Variants in MECOM observed in about 807,000 individuals in gnomAD.
MECOM encodes the protein MDS1 and EVI1 complex locus.
A neutral mutation model predicts 116.3 loss-of-function variants in MECOM; 13 were observed. The ratio of observed to expected loss-of-function variants is 0.11; its 90% CI spans 0.07 to 0.18. The LOEUF is 0.18. Among genes scored for constraint, MECOM ranks in the 10% least tolerant of loss-of-function variants. The pLI, the probability that MECOM is intolerant of heterozygous loss-of-function variation, is 1.00. For synonymous variants in MECOM, 528 were observed against 535.2 expected (o/e 0.99, Z 0.19); for missense variants, 1,299 against 1,509.0 (o/e 0.86, Z 2.31).
Position 169,640,561 on chromosome 3 carries a change from G to T in MECOM, c.37+22775C>A, listed in dbSNP as rs141048246. The stretch of plus-strand genomic sequence containing the variant: ...CTACTAAGGCTTCTCTTCTGTAAGG[G>T]GTGGTGGTAACAGTAGCAGCTTTAC... On this transcript the variant is annotated intron_variant, in intron 1 of 16. Coordinates refer to ENST00000651503, the MANE Select transcript of MECOM (RefSeq NM_004991.4). Among the ~76,000 whole-genome samples the T allele has an allele frequency of 3.2e-4, 48 of 152,270 alleles. No individual in the cohort carries two copies. In the East Asian group the frequency reaches 6.4e-3, roughly 20 times the overall value.
intron 2 of MECOM, among the ~76,000 whole-genome samples, chr3:169,213,413 T>C (rs1180805352): frequency 6.6e-6 from 1 of 152,104 alleles, no homozygotes; most frequent in Non-Finnish European, 1.5e-5. Context: ...TTTGCAACTT[T>C]CTTTTCTTTT....
At chr3:169,520,024 G>A (rs566461141) in intron 1 of MECOM, among the ~76,000 whole-genome samples, 14 of 152,316 alleles carry the variant, frequency 9.2e-5, no homozygotes, top group South Asian at 4.1e-4. Context: ...GTCTACATTC[G>A]GGACTTCTGT....
chr3:169,416,071 C>T (rs551120541), intron 1 of MECOM, among the ~76,000 whole-genome samples: 1 of 152,304 alleles, frequency 6.6e-6, no homozygotes, highest in South Asian at 2.1e-4. Flanking sequence ...AAGTAATAGA[C>T]ATTCTTCTCA....
intron 2 of MECOM, among the ~76,000 whole-genome samples, chr3:169,328,639 C>T (rs947372391): frequency 6.6e-6 from 1 of 152,052 alleles, no homozygotes; most frequent in Admixed American, 6.5e-5. Context: ...TCACTGAATG[C>T]AATATGAATT....
At chr3:169,343,812 T>C (rs927422440) in intron 2 of MECOM, among the ~76,000 whole-genome samples, 7 of 152,184 alleles carry the variant, frequency 4.6e-5, no homozygotes, top group Admixed American at 1.3e-4. Flanking sequence ...GTTAAGGAGA[T>C]AAAATGCTTA....
At chr3:169,126,682 C>T (rs1459508853) in intron 5 of MECOM, among the ~76,000 whole-genome samples, 1 of 152,032 alleles carries the variant, frequency 6.6e-6, no homozygotes, top group African/African-American at 2.4e-5. Context: ...TCTATTCAGT[C>T]TTCTCAACAG....
In MECOM at chr3:169,359,003, G is replaced by A. The variant is rs115070060; in HGVS notation, c.375+22184C>T. On this transcript the variant is annotated intron_variant, in intron 2 of 16. Transcript: ENST00000651503. ...TCAACTGGAACTAACTAATCCTCGA[G>A]CCTCATACCAACTCTACTAAATCTA... is the stretch of plus-strand genomic sequence containing the variant. 6.2e-3 allele frequency among the ~76,000 whole-genome samples: 936 copies of A among 151,686 alleles called. 9 individuals carry two copies. Among genetic ancestry groups the A allele is most frequent in the African/African-American group, 0.022 (909 of 41,462 alleles).
intron 1 of MECOM, among the ~76,000 whole-genome samples, chr3:169,508,410 C>CAA (rs60226399): frequency 3.1e-4 from 44 of 141,316 alleles, no homozygotes; most frequent in South Asian, 9.0e-4. Context: ...GGTGGGAGTG[C>CAA]AAAAAAAAAA....
chr3:169,205,857 A>C (rs1299291247), intron 2 of MECOM, among the ~76,000 whole-genome samples: 1 of 152,208 alleles, frequency 6.6e-6, no homozygotes, highest in African/African-American at 2.4e-5. Context: ...TATAAATAAT[A>C]ATCACATGAA....
chr3:169,655,713 A>AATATGCT (rs1355516778), intron 1 of MECOM, among the ~76,000 whole-genome samples: 4 of 152,212 alleles, frequency 2.6e-5, no homozygotes, highest in Non-Finnish European at 5.9e-5. Context: ...TTGAGAAGAC[A>AATATGCT]TACAAAATGC....
At chr3:169,105,808 T>C (rs1249286796) in intron 10 of MECOM, among the ~76,000 whole-genome samples, 1 of 152,132 alleles carries the variant, frequency 6.6e-6, no homozygotes, top group Non-Finnish European at 1.5e-5. Flanking sequence ...CTATTAACTT[T>C]ATACTGACGC....
At chr3:169,222,547 G>A (rs1319591931) in intron 2 of MECOM, among the ~76,000 whole-genome samples, 1 of 152,194 alleles carries the variant, frequency 6.6e-6, no homozygotes, top group Non-Finnish European at 1.5e-5. Context: ...TGTGAGTGCT[G>A]TTGGGTTTTG....
intron 1 of MECOM, among the ~76,000 whole-genome samples, chr3:169,659,825 T>A (rs1776043237): frequency 1.3e-5 from 2 of 151,962 alleles, no homozygotes; most frequent in African/African-American, 4.8e-5. Flanking sequence ...AGGTGAGTAG[T>A]TTAAGGACGG....
At chr3:169,575,797 G>A (rs2109486529) in intron 1 of MECOM, among the ~76,000 whole-genome samples, 1 of 152,014 alleles carries the variant, frequency 6.6e-6, no homozygotes, top group African/African-American at 2.4e-5. Context: ...ACAGTATCTG[G>A]AGCCCCTCCT....
chr3:169,617,472 C>A (rs1426303611), intron 1 of MECOM, among the ~76,000 whole-genome samples: 1 of 152,156 alleles, frequency 6.6e-6, no homozygotes, highest in Non-Finnish European at 1.5e-5. Flanking sequence ...GGTCCATAGA[C>A]TATACTTTGA....
chr3:169,368,865 T>C (rs1323387192), intron 2 of MECOM, among the ~76,000 whole-genome samples: 2 of 151,954 alleles, frequency 1.3e-5, no homozygotes, highest in African/African-American at 4.8e-5. Context: ...CATGCAAGTA[T>C]GGGGGTTAAT....
chr3:169,155,019 T>C (rs1471297689), intron 2 of MECOM, among the ~76,000 whole-genome samples: 3 of 152,214 alleles, frequency 2.0e-5, no homozygotes, highest in South Asian at 2.1e-4. Flanking sequence ...CTAAGGACCA[T>C]TGTAAGATTT....
At chr3:169,292,674 C>G (rs1176205213) in intron 2 of MECOM, among the ~76,000 whole-genome samples, 1 of 152,098 alleles carries the variant, frequency 6.6e-6, no homozygotes, top group Non-Finnish European at 1.5e-5. Flanking sequence ...TGCATGACAG[C>G]TGGTTATGGG....
chr3:169,095,952 C>A (rs1041028412), intron 12 of MECOM, among the ~76,000 whole-genome samples: 7 of 152,022 alleles, frequency 4.6e-5, no homozygotes, highest in Non-Finnish European at 8.8e-5. Context: ...TTTTTCTGAA[C>A]GAGTCTCTAG....
Sources: allele counts gnomAD v4.1 joint callset (sites outside exome capture counted in the v4.1 genomes callset), GRCh38; gene constraint gnomAD v4.1.1; transcripts MANE v1.5; gene names NCBI Gene and HGNC (gene_info 2026-07-23, HGNC 2026-07-21).